Variants in NTM observed in about 807,000 individuals in gnomAD.
NTM encodes the protein neurotrimin, also known as IgLON family member 2.
A neutral mutation model predicts 42.1 loss-of-function variants in NTM; 13 were observed. The ratio of observed to expected loss-of-function variants is 0.31; its 90% CI spans 0.20 to 0.49. NTM has a LOEUF of 0.49. Among genes scored for constraint, NTM ranks in the 20% least tolerant of loss-of-function variants. NTM has a pLI of 0.99. For synonymous variants in NTM, 187 were observed against 179.2 expected (o/e 1.04, Z -0.35); for missense variants, 373 against 452.8 (o/e 0.82, Z 1.60).
chr11:131,762,939 G>A (rs2084461116), intron 1 of NTM, among the ~76,000 whole-genome samples: 1 of 152,210 alleles, frequency 6.6e-6, no homozygotes, highest in Non-Finnish European at 1.5e-5. Context: ...CATGCTGCCT[G>A]CTGCTGGCAG....
intron 2 of NTM, among the ~76,000 whole-genome samples, chr11:131,966,546 G>A (rs2134603757): frequency 1.3e-5 from 2 of 152,278 alleles, no homozygotes; most frequent in East Asian, 1.9e-4. Context: ...CTTGAAAGAG[G>A]TGAAGGAATG....
intron 1 of NTM, among the ~76,000 whole-genome samples, chr11:131,474,245 A>C (rs1952710049): frequency 6.6e-6 from 1 of 152,154 alleles, no homozygotes; most frequent in African/African-American, 2.4e-5. Context: ...CAGTTGACAC[A>C]GTTAACCCAC....
intron 1 of NTM, among the ~76,000 whole-genome samples, chr11:131,753,190 G>T (rs1240547075): frequency 6.6e-6 from 1 of 152,132 alleles, no homozygotes; most frequent in Non-Finnish European, 1.5e-5. Flanking sequence ...ACAACAATGA[G>T]ATACCATCTC....
intron 1 of NTM, among the ~76,000 whole-genome samples, chr11:131,623,486 T>TA (rs1432078719): frequency 6.6e-6 from 1 of 152,250 alleles, no homozygotes; most frequent in Non-Finnish European, 1.5e-5. Flanking sequence ...CAAATCATGT[T>TA]AGAGAGTCCA....
intron 8 of NTM, among the ~76,000 whole-genome samples, chr11:132,333,983 GT>G (rs1196176625): frequency 1.3e-5 from 2 of 152,156 alleles, no homozygotes; most frequent in African/African-American, 2.4e-5. Flanking sequence ...TTTGTTCCTT[GT>G]TCCCTAATCC....
intron 2 of NTM, among the ~76,000 whole-genome samples, chr11:131,955,139 A>C (rs1481882866): frequency 6.6e-6 from 1 of 152,154 alleles, no homozygotes; most frequent in African/African-American, 2.4e-5. Context: ...ATTGCCCTTC[A>C]GGAAGGTACC....
intron 3 of NTM, among the ~76,000 whole-genome samples, chr11:132,184,546 C>T (rs916958880): frequency 1.6e-4 from 24 of 152,112 alleles, no homozygotes; most frequent in Admixed American, 1.1e-3. Context: ...CTGCAGACCC[C>T]CACACTCCAG....
At chr11:132,236,751 T>C (rs1287028204) in intron 4 of NTM, among the ~76,000 whole-genome samples, 1 of 152,180 alleles carries the variant, frequency 6.6e-6, no homozygotes, top group African/African-American at 2.4e-5. Flanking sequence ...CGAGAATTCT[T>C]TGCGCCACTC....
At chr11:132,327,664 C>T (rs2095711554) in intron 7 of NTM, among the ~76,000 whole-genome samples, 1 of 152,156 alleles carries the variant, frequency 6.6e-6, no homozygotes, top group Admixed American at 6.5e-5. Flanking sequence ...GCCAAACTGG[C>T]TTTGCTGGCA....
chr11:132,074,632 T>G (rs1426849435), intron 2 of NTM, among the ~76,000 whole-genome samples: 1 of 152,110 alleles, frequency 6.6e-6, no homozygotes, highest in African/African-American at 2.4e-5. Context: ...TCAGAAACAT[T>G]GCAACACTGT....
Position 132,335,246 on chromosome 11 carries a change from A to C in NTM, c.*100A>C. On this transcript the variant is annotated 3_prime_UTR_variant, in exon 9 of 9. Coordinates refer to ENST00000683400, the MANE Select transcript of NTM (RefSeq NM_001352005.2). ...ACAGCAACCAATCAGATATATACAA[A>C]TGAAATTAGAAGAAACACAGCCTCA... is the stretch of plus-strand genomic sequence containing the variant. The C allele has an allele frequency of 7.9e-7, 1 of 1,263,210 alleles. No individual in the cohort carries two copies. The highest frequency in any genetic ancestry group is 1.1e-6 in the Non-Finnish European group (1 of 921,176). The allele number at this position is 1,263,210 out of a possible 1,614,324, so 78.3% of individuals were successfully genotyped here.
intron 1 of NTM, among the ~76,000 whole-genome samples, chr11:131,619,262 G>A (rs965883304): frequency 6.6e-6 from 1 of 152,182 alleles, no homozygotes. Context: ...GGTTATCAAG[G>A]AAGTTTCCTT....
At chr11:132,291,623 C>G (rs1392290506) in intron 4 of NTM, among the ~76,000 whole-genome samples, 2 of 152,124 alleles carry the variant, frequency 1.3e-5, no homozygotes, top group African/African-American at 4.8e-5. Context: ...AATCATTGTA[C>G]AGTGAGACAA....
intron 3 of NTM, among the ~76,000 whole-genome samples, chr11:132,171,419 C>T (rs1163200576): frequency 6.6e-6 from 1 of 152,216 alleles, no homozygotes; most frequent in Non-Finnish European, 1.5e-5. Context: ...GGCTCACTTC[C>T]TGGCTCATTG....
At chr11:132,188,223 A>C (rs1056817198) in intron 3 of NTM, among the ~76,000 whole-genome samples, 1 of 152,170 alleles carries the variant, frequency 6.6e-6, no homozygotes, top group Non-Finnish European at 1.5e-5. Flanking sequence ...CCCACACAAC[A>C]AAGAGTCATC....
At chr11:131,560,656 T>C (rs988848272) in intron 1 of NTM, among the ~76,000 whole-genome samples, 1 of 152,232 alleles carries the variant, frequency 6.6e-6, no homozygotes, top group Admixed American at 6.5e-5. Context: ...CTTAATGTAT[T>C]CTTCATGAAA....
intron 1 of NTM, among the ~76,000 whole-genome samples, chr11:131,730,139 TAA>T (rs779180916): frequency 2.6e-5 from 4 of 152,198 alleles, no homozygotes; most frequent in Non-Finnish European, 4.4e-5. Context: ...CTAGTGGGTG[TAA>T]AGTGGTATCT....
chr11:131,564,454 GA>G (rs2056626403), intron 1 of NTM, among the ~76,000 whole-genome samples: 1 of 125,792 alleles, frequency 7.9e-6, no homozygotes, highest in East Asian at 2.8e-4. Flanking sequence ...GGGAGAGAGA[GA>G]GGGAGGGAGA....
At chr11:131,804,746 T>G (rs1415502005) in intron 1 of NTM, among the ~76,000 whole-genome samples, 1 of 152,172 alleles carries the variant, frequency 6.6e-6, no homozygotes, top group Non-Finnish European at 1.5e-5. Flanking sequence ...GCAAAATTCA[T>G]GTGTCGAAGC....
Sources: gnomAD v4.1 joint callset for allele counts (sites outside exome capture counted in the v4.1 genomes callset) on GRCh38, gnomAD v4.1.1 for gene constraint, MANE v1.5 for transcripts, NCBI Gene and HGNC (gene_info 2026-07-23, HGNC 2026-07-21) for gene names.